KCNN2: variants seen among roughly 807,000 people sequenced by gnomAD.
KCNN2 encodes potassium calcium-activated channel subfamily N member 2.
A neutral mutation model predicts 55.5 loss-of-function variants in KCNN2; 24 were observed. That is an observed-to-expected ratio of 0.43 (90% CI 0.31 to 0.61). The LOEUF is 0.61. Among genes scored for constraint, KCNN2 ranks in the 20% least tolerant of loss-of-function variants. KCNN2 has a pLI of 0.08. For missense variants in KCNN2, 754 were observed against 853.6 expected, an observed-to-expected ratio of 0.88 and a Z score of 1.45; for synonymous variants, 431 against 336.1, an observed-to-expected ratio of 1.28 and a Z score of -3.09.
intron 1 of KCNN2, among the ~76,000 whole-genome samples, chr5:114,120,756 A>ATT (rs1216298376): frequency 0.015 from 2,335 of 152,296 alleles, 62 homozygotes; most frequent in African/African-American, 0.054. Flanking sequence ...TAATTAGACC[A>ATT]AATAATTTTT....
chr5:114,155,359 C>A (rs1279011092), intron 1 of KCNN2, among the ~76,000 whole-genome samples: 1 of 152,090 alleles, frequency 6.6e-6, no homozygotes, highest in Non-Finnish European at 1.5e-5. Flanking sequence ...ACATGTGCAT[C>A]TGTCTTTATG....
At chr5:114,358,681 C>G (rs1276103928), upstream of KCNN2, among the ~76,000 whole-genome samples, 3 of 151,718 alleles carry the variant, frequency 2.0e-5, no homozygotes, top group African/African-American at 7.3e-5. Context: ...TCTTCATTTC[C>G]TTCCTCTCTC....
Position 114,181,270 on chromosome 5 carries a change from C to T in KCNN2, c.-270-40210C>T, listed in dbSNP as rs981158411. On this transcript the variant is annotated intron_variant, in intron 1 of 10. Transcript: ENST00000512097. ...ATCTACTTTCTTGCCAGTGTTTGTT[C>T]TCGTGAGTCTTTAATTTTAGCCATT... 2.0e-4 allele frequency among the ~76,000 whole-genome samples: 31 copies of T among 152,122 alleles called. 1 individual carries two copies. The highest frequency in any genetic ancestry group is 4.4e-5 in the Non-Finnish European group (3 of 68,008).
At chr5:114,375,952 G>GTGTATATATATATATA (rs1249028214) in intron 2 of KCNN2, among the ~76,000 whole-genome samples, 24 of 104,712 alleles carry the variant, frequency 2.3e-4, no homozygotes, top group East Asian at 5.3e-4. Context: ...GACTCACAGT[G>GTGTATATATATATATA]TATATATATA....
intron 2 of KCNN2, among the ~76,000 whole-genome samples, chr5:114,241,996 A>G (rs1034209980): frequency 6.6e-6 from 1 of 151,116 alleles, no homozygotes; most frequent in African/African-American, 2.4e-5. Flanking sequence ...GCCTCCCACA[A>G]TTTCATGGAT....
intron 2 of KCNN2, among the ~76,000 whole-genome samples, chr5:114,378,663 G>A (rs1412369796): frequency 1.3e-5 from 2 of 152,068 alleles, no homozygotes; most frequent in African/African-American, 4.8e-5. Context: ...CTCGGGGTTG[G>A]GAGTCATTTT....
At position 114,241,796 on chromosome 5, in the gene KCNN2, A is replaced by ATGTGTG. The variant is rs1294260691; in HGVS notation, c.-185+20232_-185+20233insGTGTGT. 4.9e-4 allele frequency among the ~76,000 whole-genome samples: 12 copies of ATGTGTG among 24,344 alleles called. 3 individuals are homozygous for ATGTGTG. Among genetic ancestry groups the ATGTGTG allele is most frequent in the African/African-American group, 1.0e-3 (8 of 7,624 alleles). 16.0% of individuals were successfully genotyped at this position (24,344 alleles called of 152,430 possible). On this transcript the variant is annotated intron_variant, in intron 2 of 10. Coordinates refer to the KCNN2 transcript ENST00000512097. ...TATACATATATACGTATATATATGT[A>ATGTGTG]TATATATACGTATATATATATATGT...
chr5:114,236,263 C>A (rs1483506713), intron 2 of KCNN2, among the ~76,000 whole-genome samples: 1 of 152,100 alleles, frequency 6.6e-6, no homozygotes, highest in Non-Finnish European at 1.5e-5. Context: ...TCTTCAATAT[C>A]CAAACCAAAC....
chr5:114,115,032 C>T (rs140115552), intron 1 of KCNN2, among the ~76,000 whole-genome samples: 5 of 152,192 alleles, frequency 3.3e-5, no homozygotes, highest in Non-Finnish European at 7.4e-5. Flanking sequence ...GCCTGCATAC[C>T]TATGAGTTAA....
At chr5:114,161,905 A>G (rs542668864) in intron 1 of KCNN2, among the ~76,000 whole-genome samples, 1 of 152,220 alleles carries the variant, frequency 6.6e-6, no homozygotes, top group East Asian at 1.9e-4. Context: ...CCATTCGTCT[A>G]GTTTTTGTTC....
chr5:114,219,759 T>C (rs1754094152), intron 1 of KCNN2, among the ~76,000 whole-genome samples: 1 of 152,192 alleles, frequency 6.6e-6, no homozygotes, highest in Non-Finnish European at 1.5e-5. Flanking sequence ...TGCCCTTTTC[T>C]GCCTAGAATT....
chr5:114,357,120 C>T (rs1239957875), upstream of KCNN2, among the ~76,000 whole-genome samples: 3 of 151,926 alleles, frequency 2.0e-5, no homozygotes, highest in Admixed American at 2.0e-4. Context: ...TGCCAGGGAC[C>T]CCTGGTCTGA....
intron 1 of KCNN2, among the ~76,000 whole-genome samples, chr5:114,142,159 G>T (rs1044891583): frequency 6.6e-6 from 1 of 152,062 alleles, no homozygotes; most frequent in African/African-American, 2.4e-5. Context: ...GTCAATTTTG[G>T]CTTTTGTTGC....
intron 2 of KCNN2, among the ~76,000 whole-genome samples, chr5:114,354,763 T>A (rs1476049335): frequency 6.6e-6 from 1 of 152,158 alleles, no homozygotes; most frequent in Non-Finnish European, 1.5e-5. Context: ...AATGTTGTAT[T>A]TATTAAATAG....
At chr5:114,291,795 A>G (rs1452537839) in intron 2 of KCNN2, among the ~76,000 whole-genome samples, 4 of 152,206 alleles carry the variant, frequency 2.6e-5, no homozygotes, top group Admixed American at 6.5e-5. Context: ...GAACTAGTTT[A>G]GTGTCCCACC....
At chr5:114,436,677 T>C (rs980631592) in intron 3 of KCNN2, among the ~76,000 whole-genome samples, 2 of 152,212 alleles carry the variant, frequency 1.3e-5, no homozygotes, top group Admixed American at 6.5e-5. Flanking sequence ...TCTGTACATT[T>C]TTCATTTGGC....
At chr5:114,106,115 T>C (rs1751476656) in intron 1 of KCNN2, among the ~76,000 whole-genome samples, 1 of 151,974 alleles carries the variant, frequency 6.6e-6, no homozygotes, top group Admixed American at 6.6e-5. Context: ...CATTTTGAAG[T>C]GAACATTTAT....
chr5:114,293,951 T>G (rs1217207129), intron 2 of KCNN2, among the ~76,000 whole-genome samples: 6 of 152,232 alleles, frequency 3.9e-5, no homozygotes, highest in African/African-American at 1.4e-4. Context: ...ATTTATCCAT[T>G]TCTTCTAGAT....
intron 2 of KCNN2, among the ~76,000 whole-genome samples, chr5:114,286,248 A>G (rs1755747383): frequency 6.6e-6 from 1 of 152,174 alleles, no homozygotes; most frequent in South Asian, 2.1e-4. Flanking sequence ...AATGCAGCTA[A>G]AAATTATATG....
Sources: gnomAD v4.1 joint callset for allele counts (sites outside exome capture counted in the v4.1 genomes callset) on GRCh38, gnomAD v4.1.1 for gene constraint, MANE v1.5 for transcripts, NCBI Gene and HGNC (gene_info 2026-07-23, HGNC 2026-07-21) for gene names.